PLCE1: variants seen among roughly 807,000 people sequenced by gnomAD.
PLCE1 encodes the protein phospholipase C epsilon 1, also known as 1-phosphatidylinositol 4,5-bisphosphate phosphodiesterase epsilon-1.
Under a neutral mutation model 242.8 loss-of-function variants are expected in PLCE1, and 119 were observed. That is an observed-to-expected ratio of 0.49 (90% CI 0.42 to 0.57). The LOEUF (loss-of-function observed/expected upper bound fraction) is 0.57, where lower values mean the gene tolerates loss of function less well. Among genes scored for constraint, PLCE1 ranks in the 20% least tolerant of loss-of-function variants. PLCE1 has a pLI of 0.00. For missense variants in PLCE1, 2,441 were observed against 2,788.8 expected (o/e 0.88, Z 2.81); for synonymous variants, 945 against 1,017.4 (o/e 0.93, Z 1.35).
intron 3 of PLCE1, among the ~76,000 whole-genome samples, chr10:94,153,177 A>C (rs2047325607): frequency 6.6e-6 from 1 of 152,190 alleles, no homozygotes; most frequent in Admixed American, 6.5e-5. Flanking sequence ...AACGACAGTA[A>C]ATGTCTGTTG....
At chr10:94,071,495 G>GTTTTTTTTTTTTTTTTTTGTTTTTT (rs2044354302) in intron 2 of PLCE1, among the ~76,000 whole-genome samples, 5 of 83,316 alleles carry the variant, frequency 6.0e-5, no homozygotes, top group African/African-American at 2.7e-4. Flanking sequence ...TTTGGTTTTC[G>GTTTTTTTTTTTTTTTTTTGTTTTTT]TTTTTTTTTT....
At position 94,328,659 on chromosome 10, in the gene PLCE1, C is replaced by CT. The variant is rs2133958988; in HGVS notation, c.*716_*717insT. On this transcript the variant is annotated 3_prime_UTR_variant, in exon 33 of 33. Transcript: ENST00000371380. ...AAGCTTAGAATTAGAAGCTTTGGGG[C>CT]ATTTCAAGTGTAAATATGTCCTATA... 6.6e-6 allele frequency: 1 copy of CT among 152,274 alleles called. No homozygotes were observed. The highest frequency in any genetic ancestry group is 1.9e-4 in the East Asian group (1 of 5,188). The allele number at this position is 152,274 out of a possible 1,614,324, so 9.4% of individuals were successfully genotyped here.
At chr10:94,082,161 C>CTTT (rs1161723670) in intron 2 of PLCE1, 9 of 152,110 alleles carry the variant, frequency 5.9e-5, no homozygotes, top group African/African-American at 2.2e-4. Context: ...GCCTTCCTTC[C>CTTT]CAGCCTCTCT....
intron 1 of PLCE1, among the ~76,000 whole-genome samples, chr10:94,001,654 C>T (rs1330747974): frequency 6.6e-6 from 1 of 152,192 alleles, no homozygotes; most frequent in Non-Finnish European, 1.5e-5. Flanking sequence ...ATTAAAATAT[C>T]ACATAACATG....
At chr10:94,236,803 A>C (rs2137342315) in intron 7 of PLCE1, among the ~76,000 whole-genome samples, 1 of 152,324 alleles carries the variant, frequency 6.6e-6, no homozygotes, top group Middle Eastern at 3.4e-3. Context: ...CCATCTGCAA[A>C]TAATCACCTC....
intron 4 of PLCE1, among the ~76,000 whole-genome samples, chr10:94,182,332 T>C (rs2048339920): frequency 6.6e-6 from 1 of 152,108 alleles, no homozygotes; most frequent in South Asian, 2.1e-4. Context: ...AATGGTATGA[T>C]CTCGGCTCAC....
chr10:94,301,386 A>G (rs1564877110), intron 24 of PLCE1, among the ~76,000 whole-genome samples: 1 of 152,110 alleles, frequency 6.6e-6, no homozygotes, highest in Non-Finnish European at 1.5e-5. Context: ...AGATAGATAG[A>G]TCGAATAGAT....
intron 22 of PLCE1, among the ~76,000 whole-genome samples, chr10:94,292,062 C>T (rs550129441): frequency 6.6e-6 from 1 of 152,272 alleles, no homozygotes; most frequent in Admixed American, 6.5e-5. Context: ...ATCAGTTTTA[C>T]TTGGGAGAAA....
chr10:94,139,379 CA>C, intron 3 of PLCE1: 1 of 164,422 alleles, frequency 6.1e-6, no homozygotes. Flanking sequence ...CTTCCAACTT[CA>C]AAAAAGCCAA....
At chr10:94,012,171 G>A (rs1020558270) in intron 1 of PLCE1, among the ~76,000 whole-genome samples, 8 of 151,954 alleles carry the variant, frequency 5.3e-5, no homozygotes, top group Non-Finnish European at 1.0e-4. Context: ...ATGTGAACCT[G>A]GGAATTTCTT....
intron 2 of PLCE1, among the ~76,000 whole-genome samples, chr10:94,039,051 C>T (rs562640340): frequency 2.6e-5 from 4 of 152,254 alleles, no homozygotes; most frequent in African/African-American, 7.2e-5. Flanking sequence ...TTCATTTATA[C>T]GGTAGCATGA....
chr10:94,186,790 C>G (rs1260300244), intron 4 of PLCE1, among the ~76,000 whole-genome samples: 1 of 152,124 alleles, frequency 6.6e-6, no homozygotes, highest in African/African-American at 2.4e-5. Context: ...ATTATCTTAT[C>G]AAAAGGGAAA....
chr10:94,164,797 G>A (rs932563961), intron 3 of PLCE1, among the ~76,000 whole-genome samples: 12 of 152,116 alleles, frequency 7.9e-5, no homozygotes, highest in African/African-American at 2.2e-4. Context: ...ATGATGTGAC[G>A]TACAGATGGG....
At chr10:94,323,832 G>T (rs1047858521) in intron 30 of PLCE1, among the ~76,000 whole-genome samples, 7 of 152,140 alleles carry the variant, frequency 4.6e-5, no homozygotes, top group African/African-American at 1.7e-4. Context: ...AACATTTAAT[G>T]AATTAACAAA....
intron 3 of PLCE1, among the ~76,000 whole-genome samples, chr10:94,159,497 A>T (rs2136197279): frequency 6.6e-6 from 1 of 152,286 alleles, no homozygotes; most frequent in East Asian, 1.9e-4. Context: ...TGTACCACTA[A>T]AGGACTATTA....
chr10:94,296,977 G>A (rs1036727686), intron 23 of PLCE1, among the ~76,000 whole-genome samples: 5 of 152,002 alleles, frequency 3.3e-5, no homozygotes, highest in Non-Finnish European at 5.9e-5. Flanking sequence ...GGGTTCAAGC[G>A]ATTCTCCTGC....
intron 4 of PLCE1, among the ~76,000 whole-genome samples, chr10:94,217,854 G>C (rs2049583387): frequency 1.3e-5 from 2 of 151,888 alleles, no homozygotes; most frequent in South Asian, 4.2e-4. Flanking sequence ...AGAATAACAT[G>C]TTCTCTACCC....
In PLCE1 at chr10:94,157,349, G is replaced by C. The variant is rs191708613; in HGVS notation, c.1493-13831G>C. On this transcript the variant is annotated intron_variant, in intron 3 of 32. Transcript: ENST00000371380. ...GCTGAATGTGTAGTAAACATTACAT[G>C]CTTTTTCTTGTTTTAATTTCCCCAT... Among the ~76,000 whole-genome samples, 6 of 152,254 alleles carry C rather than the reference G, an allele frequency of 3.9e-5. No individual in the cohort carries two copies. In the East Asian group the frequency reaches 1.2e-3, roughly 29 times the overall value.
At chr10:94,240,515 G>A (rs2050466598) in intron 7 of PLCE1, among the ~76,000 whole-genome samples, 1 of 152,112 alleles carries the variant, frequency 6.6e-6, no homozygotes. Flanking sequence ...TTATTAGAGA[G>A]AACAGCTGTG....
Sources: allele counts gnomAD v4.1 joint callset (sites outside exome capture counted in the v4.1 genomes callset), GRCh38; gene constraint gnomAD v4.1.1; transcripts MANE v1.5; gene names NCBI Gene and HGNC (gene_info 2026-07-23, HGNC 2026-07-21).